The following NFKBIB variants were observed in gnomAD, a reference collection of about 807,000 sequenced individuals.
NFKBIB encodes NFKB inhibitor beta.
Under a neutral mutation model 32.1 loss-of-function variants are expected in NFKBIB, and 16 were observed. That is an observed-to-expected ratio of 0.50 (90% CI 0.34 to 0.76). The LOEUF (loss-of-function observed/expected upper bound fraction) is 0.76. NFKBIB is among the 30% of genes least tolerant of loss of function. The probability of loss-of-function intolerance (pLI) is 0.01; values close to 1 mark genes in which losing one functional copy is unlikely to be tolerated. For missense variants in NFKBIB, 437 were observed against 514.9 expected (o/e 0.85, Z 1.46); for synonymous variants, 222 against 219.5 (o/e 1.01, Z -0.10).
intron 5 of NFKBIB, chr19:38,907,925 T>C (rs1190888881): frequency 7.5e-7 from 1 of 1,333,570 alleles, no homozygotes; most frequent in Admixed American, 3.4e-5. Flanking sequence ...CAGTGATTGG[T>C]GAACACAGCG....
At chr19:38,908,586 G>A in intron 5 of NFKBIB, 145 bp from the exon 6 acceptor site, 1 of 1,361,846 alleles carries the variant, frequency 7.3e-7, no homozygotes, top group South Asian at 2.1e-5. Flanking sequence ...AGTTCTGAGA[G>A]CTAGGAAACT....
Position 38,905,230 on chromosome 19 carries a change from G to A in NFKBIB, c.314G>A (p.Gly105Glu). Residue 105 changes from glycine to glutamate, a missense_variant, in exon 3 of 6, where the codon GGG becomes GAG. Physicochemically the swap from Gly to Glu is moderately conservative, Grantham distance 98. Transcript: ENST00000313582. The surrounding 1 kb of genome is among the most constrained non-coding windows in gnomAD (Gnocchi z 5.5). ...QTALHLAAIL[G>E]ETSTVEKLYA... is the part of the protein sequence containing the mutation. The stretch of plus-strand genomic sequence containing the variant: ...GCCCTGCACCTGGCAGCCATCCTGG[G>A]GGAGACATCCACGGTGGAGAAGCTG... 1 of 1,590,262 alleles carries A rather than the reference G, an allele frequency of 6.3e-7. No homozygotes were observed.
At chr19:38,900,332 TC>T (rs1973907413) in intron 1 of NFKBIB, 121 bp downstream of exon 1, 1 of 1,122,228 alleles carries the variant, frequency 8.9e-7, no homozygotes, top group Non-Finnish European at 1.2e-6. Context: ...ATGCTGAACT[TC>T]CTGACCTCTA....
chr19:38,905,098 A>AATGT lies in NFKBIB; in HGVS notation c.263_264insATGT (p.Asp88GlufsTer6). ...TTCTCGGCCGGCACTGAGTACATGG[A>AATGT]CCTGCAGAATGACCTAGGCCAGGTG... On this transcript the variant is annotated frameshift_variant, in exon 2 of 6. Coordinates refer to ENST00000313582, the MANE Select transcript of NFKBIB (RefSeq NM_002503.5). LOFTEE classifies it high-confidence loss of function. This position sits in a 1 kb window ranked among gnomAD's most constrained non-coding sequence, Gnocchi z 5.5. The AATGT allele has an allele frequency of 6.2e-7, 1 of 1,614,112 alleles. No individual in the cohort carries two copies. The highest frequency in any genetic ancestry group is 1.1e-5 in the South Asian group (1 of 91,084).
chr19:38,903,711 A>G (rs1974033316), intron 1 of NFKBIB, among the ~76,000 whole-genome samples: 1 of 152,034 alleles, frequency 6.6e-6, no homozygotes, highest in Non-Finnish European at 1.5e-5. Context: ...ATGCCTGATA[A>G]TCTTTGGTTA....
chr19:38,900,561 C>T (rs977517690), intron 1 of NFKBIB, among the ~76,000 whole-genome samples: 1 of 152,158 alleles, frequency 6.6e-6, no homozygotes, highest in Non-Finnish European at 1.5e-5. Context: ...ATTCTTAGTT[C>T]CCGATTTGAG....
chr19:38,901,858 G>A (rs952758475), intron 1 of NFKBIB, among the ~76,000 whole-genome samples: 3 of 151,902 alleles, frequency 2.0e-5, no homozygotes, highest in Non-Finnish European at 2.9e-5. Context: ...TGGGTTACAG[G>A]GATGAACCAC....
intron 1 of NFKBIB, among the ~76,000 whole-genome samples, chr19:38,901,872 G>A (rs990586245): frequency 6.6e-6 from 1 of 151,930 alleles, no homozygotes; most frequent in Non-Finnish European, 1.5e-5. Flanking sequence ...GAACCACTGT[G>A]CCCAGACAGT....
chr19:38,900,920 G>T (rs912386614), intron 1 of NFKBIB, among the ~76,000 whole-genome samples: 5 of 152,034 alleles, frequency 3.3e-5, no homozygotes, highest in Non-Finnish European at 7.4e-5. Context: ...AGGAAGGAAA[G>T]AAATGGAAAG....
At position 38,905,166 on chromosome 19, in the gene NFKBIB, G is replaced by A. The variant is rs1392259104; in HGVS notation, c.286-36G>A. 1.9e-6 allele frequency: 3 copies of A among 1,610,810 alleles called. No homozygotes were observed. Among genetic ancestry groups the A allele is most frequent in the Admixed American group, 1.7e-5 (1 of 59,682 alleles). ...TAGGGCTTGGGGTCCAGGGTTCCCAGTGTGACTCCCTACCGCCTGTCCTCT... is the reference window on the plus strand; with the variant it reads ...TAGGGCTTGGGGTCCAGGGTTCCCAATGTGACTCCCTACCGCCTGTCCTCT... On this transcript the variant is annotated intron_variant, in intron 2 of 5. Transcript: ENST00000313582. This position sits in a 1 kb window ranked among gnomAD's most constrained non-coding sequence, Gnocchi z 5.5.
chr19:38,906,962 T>TC (rs1974144781), intron 3 of NFKBIB, among the ~76,000 whole-genome samples: 1 of 152,084 alleles, frequency 6.6e-6, no homozygotes, highest in Non-Finnish European at 1.5e-5. Flanking sequence ...AAATCCAGGC[T>TC]CCCTGTCCAC....
chr19:38,901,358 T>C (rs1476210854), intron 1 of NFKBIB, among the ~76,000 whole-genome samples: 5 of 151,876 alleles, frequency 3.3e-5, no homozygotes, highest in Admixed American at 1.3e-4. Context: ...TGCAGTGGCA[T>C]GATCATGGCT....
intron 1 of NFKBIB, among the ~76,000 whole-genome samples, chr19:38,900,508 A>G (rs1161363823): frequency 6.6e-6 from 1 of 152,148 alleles, no homozygotes; most frequent in African/African-American, 2.4e-5. Context: ...TTCTGTTAGA[A>G]CTGTGGCTTC....
Position 38,900,222 on chromosome 19 carries a change from C to T in NFKBIB, c.179+11C>T, listed in dbSNP as rs1349087622. 6.3e-7 allele frequency: 1 copy of T among 1,587,032 alleles called. No homozygotes were observed. The highest frequency in any genetic ancestry group is 1.9e-5 in the Admixed American group (1 of 53,792). On this transcript the variant is annotated intron_variant, in intron 1 of 5. Coordinates refer to ENST00000313582, the MANE Select transcript of NFKBIB (RefSeq NM_002503.5). ...TGAGGATGGGGACACGTGAGTGAAC[C>T]TTAGGCTGCCAAACGGAGCCCTAGG...
chr19:38,908,407 C>T (rs1225565811), intron 5 of NFKBIB: 7 of 777,568 alleles, frequency 9.0e-6, no homozygotes, highest in East Asian at 6.6e-5. Context: ...GGCGTGGTGG[C>T]GCATGCCTAT....
intron 1 of NFKBIB, among the ~76,000 whole-genome samples, chr19:38,904,056 C>T (rs1974041924): frequency 2.0e-5 from 3 of 151,680 alleles, no homozygotes; most frequent in African/African-American, 4.9e-5. Flanking sequence ...GGCGACAGGG[C>T]AAGACTCTCT....
Position 38,900,202 on chromosome 19 carries a change from A to T in NFKBIB, c.170A>T (p.Asp57Val). The T allele has an allele frequency of 6.2e-7, 1 of 1,601,442 alleles. No homozygotes were observed. Among genetic ancestry groups the T allele is most frequent in the Non-Finnish European group, 8.5e-7 (1 of 1,175,934 alleles). The change falls in exon 1 of 6, where the codon GAT becomes GTT. Residue 57 changes from aspartate (D) to valine (V), a missense_variant. Asp to Val is a radical substitution (Grantham distance 152). Coordinates refer to ENST00000313582, the MANE Select transcript of NFKBIB (RefSeq NM_002503.5). Reference sequence around the variant, plus strand: ...CTCGTCTTCGGCTACGTCACTGAGGATGGGGACACGTGAGTGAACCTTAGG... The same window carrying T: ...CTCGTCTTCGGCTACGTCACTGAGGTTGGGGACACGTGAGTGAACCTTAGG... ...APLVFGYVTE[D>V]GDTALHLAVI...
At chr19:38,902,125 G>GCTCTGTCACT (rs1167892142) in intron 1 of NFKBIB, among the ~76,000 whole-genome samples, 19 of 118,936 alleles carry the variant, frequency 1.6e-4, no homozygotes, top group African/African-American at 5.1e-4. Flanking sequence ...CTGTCACCCA[G>GCTCTGTCACT]GCTGGAGTGC....
intron 5 of NFKBIB, chr19:38,907,981 G>C: frequency 8.3e-7 from 1 of 1,198,602 alleles, no homozygotes; most frequent in Non-Finnish European, 1.0e-6. Context: ...GCAAGAATTG[G>C]AGAACTCACA....
Sources: gnomAD v4.1 joint callset for allele counts (sites outside exome capture counted in the v4.1 genomes callset) on GRCh38, gnomAD v4.1.1 for gene constraint, Gnocchi (gnomAD v3.1) non-coding constraint, MANE v1.5 for transcripts, NCBI Gene and HGNC (gene_info 2026-07-23, HGNC 2026-07-21) for gene names.